HIVEP3: variants seen among roughly 807,000 people sequenced by gnomAD.
HIVEP3 encodes HIVEP zinc finger 3, also known as transcription factor HIVEP3.
Under a neutral mutation model 152.8 loss-of-function variants are expected in HIVEP3, and 49 were observed. The ratio of observed to expected loss-of-function variants is 0.32; its 90% CI spans 0.26 to 0.41. The LOEUF (loss-of-function observed/expected upper bound fraction) is 0.41. HIVEP3 is among the 10% of genes least tolerant of loss of function. HIVEP3 has a pLI of 1.00. For missense variants in HIVEP3, 2,790 were observed against 3,103.3 expected (o/e 0.90, Z 2.40); for synonymous variants, 1,269 against 1,289.0 (o/e 0.98, Z 0.33).
At chr1:41,877,171 G>A (rs1644183599) in intron 1 of HIVEP3, among the ~76,000 whole-genome samples, 1 of 152,024 alleles carries the variant, frequency 6.6e-6, no homozygotes, top group Admixed American at 6.5e-5. Context: ...CTTTCCCCAA[G>A]CTCTGCCAAC....
intron 1 of HIVEP3, among the ~76,000 whole-genome samples, chr1:41,793,976 T>A (rs56077349): frequency 0.29 from 43,669 of 152,200 alleles, 7,445 homozygotes; most frequent in Middle Eastern, 0.44. Context: ...AATTCCCACA[T>A]TCTTGTGTAT....
At position 41,813,004 on chromosome 1, in the gene HIVEP3, C is replaced by T. The variant is rs556489151; in HGVS notation, c.-801+105409G>A. On this transcript the variant is annotated intron_variant, in intron 1 of 8. Coordinates refer to ENST00000372583, the MANE Select transcript of HIVEP3 (RefSeq NM_024503.5). ...AAGAAGGACCTTAGCTGTCTCCAGG[C>T]CCTGATCCAACCACTTCATTTCATT... 2.0e-4 allele frequency among the ~76,000 whole-genome samples: 30 copies of T among 152,208 alleles called. No homozygotes were observed. The South Asian group carries it at 6.2e-3, about 32-fold the overall frequency.
intron 1 of HIVEP3, among the ~76,000 whole-genome samples, chr1:41,999,402 G>A (rs1301868619): frequency 6.6e-6 from 1 of 152,144 alleles, no homozygotes; most frequent in Non-Finnish European, 1.5e-5. Flanking sequence ...GCTAGAGGGA[G>A]ATACAGGTGA....
At chr1:41,810,959 T>C (rs1223687764) in intron 1 of HIVEP3, among the ~76,000 whole-genome samples, 1 of 152,228 alleles carries the variant, frequency 6.6e-6, no homozygotes, top group Non-Finnish European at 1.5e-5. Flanking sequence ...CTGTCCTATT[T>C]CTTGGCCTTG....
chr1:41,737,527 C>G (rs565838731), intron 1 of HIVEP3, among the ~76,000 whole-genome samples: 12 of 152,308 alleles, frequency 7.9e-5, no homozygotes, highest in African/African-American at 2.6e-4. Flanking sequence ...CCTGGGCTAC[C>G]ATGGCCCATT....
chr1:41,704,105 G>T (rs1436597257), intron 1 of HIVEP3, among the ~76,000 whole-genome samples: 1 of 152,210 alleles, frequency 6.6e-6, no homozygotes, highest in Non-Finnish European at 1.5e-5. Flanking sequence ...TGGATTAAAT[G>T]TCATATGCAG....
chr1:41,942,329 C>T lies in HIVEP3; in HGVS notation n.120-23805G>A, dbSNP rs899367085. On this transcript the variant is annotated intron_variant and non_coding_transcript_variant, in intron 1 of 3. Coordinates refer to the HIVEP3 transcript ENST00000489103. ...TTTTACTCTTCTCATTCTCACTGGC[C>T]TCCACATTTAAAGTTGTTAAGGCCT... Among the ~76,000 whole-genome samples, 9 of 152,190 alleles carry T rather than the reference C, an allele frequency of 5.9e-5. 1 individual carries two copies. The highest frequency in any genetic ancestry group is 1.3e-4 in the Non-Finnish European group (9 of 68,042).
rs183123726 is a variant in HIVEP3 at position 41,887,497 on chromosome 1, A to G, written c.-801+30916T>C. On this transcript the variant is annotated intron_variant, in intron 1 of 8. Coordinates refer to ENST00000372583, the MANE Select transcript of HIVEP3 (RefSeq NM_024503.5). ...GAAGTGGCAGACCCAGGACTAGAGA[A>G]CTTGGTCCCTGACTTTGGGATCCCC... is the stretch of plus-strand genomic sequence containing the variant. Among the ~76,000 whole-genome samples the G allele has an allele frequency of 2.6e-5, 4 of 152,360 alleles. No individual in the cohort carries two copies. In the East Asian group the frequency reaches 7.7e-4, roughly 29 times the overall value.
chr1:41,964,366 C>G (rs1273482624), intron 1 of HIVEP3, among the ~76,000 whole-genome samples: 1 of 152,178 alleles, frequency 6.6e-6, no homozygotes, highest in Non-Finnish European at 1.5e-5. Flanking sequence ...TGTGCTACCC[C>G]ACCTGGGAAA....
At chr1:41,845,017 C>A (rs1412644555) in intron 1 of HIVEP3, among the ~76,000 whole-genome samples, 1 of 152,186 alleles carries the variant, frequency 6.6e-6, no homozygotes. Flanking sequence ...CCTCTTCCCT[C>A]TGTGGGAGCT....
intron 1 of HIVEP3, among the ~76,000 whole-genome samples, chr1:41,736,412 CT>C (rs1570428274): frequency 6.6e-6 from 1 of 152,180 alleles, no homozygotes; most frequent in Admixed American, 6.5e-5. Flanking sequence ...AGGGTGGGTC[CT>C]GGGGCCCTGA....
intron 1 of HIVEP3, among the ~76,000 whole-genome samples, chr1:41,998,887 CTCTTTTTTTT>C (rs1330609884): frequency 1.0e-4 from 8 of 77,312 alleles, no homozygotes; most frequent in African/African-American, 1.8e-4. Flanking sequence ...TTTTCTCTCT[CTCTTTTTTTT>C]TTTTTTTTTT....
At chr1:41,870,754 C>T (rs940796275) in intron 1 of HIVEP3, among the ~76,000 whole-genome samples, 1 of 152,160 alleles carries the variant, frequency 6.6e-6, no homozygotes, top group Admixed American at 6.5e-5. Flanking sequence ...GAGGACAGAA[C>T]CTGCAGGTGT....
chr1:41,811,468 T>C (rs1650954291), intron 1 of HIVEP3, among the ~76,000 whole-genome samples: 2 of 152,004 alleles, frequency 1.3e-5, no homozygotes, highest in African/African-American at 2.4e-5. Context: ...TTGAACACCA[T>C]TTTTCACTAT....
Position 41,583,464 on chromosome 1 carries a change from G to A in HIVEP3, c.1334C>T (p.Thr445Ile). ...TSTQPLLPLS[T>I]EDKPSLVPLS... ...AGGCACCAGGCTGGGCTTGTCTTCG[G>A]TGGACAGGGGCAGGAGGGGCTGGGT... Residue 445 changes from threonine (T) to isoleucine (I), a missense_variant, in exon 4 of 9, where the codon ACC becomes ATC. Physicochemically the swap from Thr to Ile is moderately conservative, Grantham distance 89. Coordinates refer to ENST00000372583, the MANE Select transcript of HIVEP3 (RefSeq NM_024503.5). The surrounding 1 kb of genome is among the most constrained non-coding windows in gnomAD (Gnocchi z 6.9). The A allele has an allele frequency of 2.5e-6, 4 of 1,613,994 alleles. No individual in the cohort carries two copies. The highest frequency in any genetic ancestry group is 3.4e-6 in the Non-Finnish European group (4 of 1,179,968).
At chr1:41,778,845 C>T (rs777157479) in intron 1 of HIVEP3, among the ~76,000 whole-genome samples, 2 of 152,116 alleles carry the variant, frequency 1.3e-5, no homozygotes, top group African/African-American at 4.8e-5. Context: ...TATGTTACAT[C>T]GGGTGGTACG....
At chr1:41,738,694 T>C (rs1425884393) in intron 1 of HIVEP3, among the ~76,000 whole-genome samples, 1 of 152,220 alleles carries the variant, frequency 6.6e-6, no homozygotes, top group Non-Finnish European at 1.5e-5. Context: ...GCTCTGCTGC[T>C]GTGTAACTGT....
At chr1:41,716,954 C>T (rs12561792) in intron 1 of HIVEP3, among the ~76,000 whole-genome samples, 15 of 152,336 alleles carry the variant, frequency 9.8e-5, no homozygotes, top group African/African-American at 2.6e-4. Flanking sequence ...GCTGCACGCA[C>T]GTTGTGGAAG....
At chr1:41,557,697 C>A (rs920893583) in intron 5 of HIVEP3, among the ~76,000 whole-genome samples, 2 of 152,132 alleles carry the variant, frequency 1.3e-5, no homozygotes, top group African/African-American at 2.4e-5. Flanking sequence ...GAGGGGCAGC[C>A]CCAGAGGGCT....
Sources: gnomAD v4.1 joint callset for allele counts (sites outside exome capture counted in the v4.1 genomes callset) on GRCh38, gnomAD v4.1.1 for gene constraint, Gnocchi (gnomAD v3.1) non-coding constraint, MANE v1.5 for transcripts, NCBI Gene and HGNC (gene_info 2026-07-23, HGNC 2026-07-21) for gene names.